The following CHD2 variants were observed in gnomAD, a reference collection of about 807,000 sequenced individuals.
CHD2 encodes ATP-dependent chromatin remodeler CHD2.
CHD2 carries 28 observed loss-of-function variants against 243.9 expected under a neutral mutation model. The observed-to-expected ratio is 0.11, with a 90% confidence interval of 0.09 to 0.16. The LOEUF is 0.16. Among genes scored for constraint, CHD2 ranks in the 10% least tolerant of loss-of-function variants. CHD2 has a pLI of 1.00. For synonymous variants in CHD2, 775 were observed against 779.0 expected (o/e 0.99, Z 0.09); for missense variants, 1,386 against 2,209.8 (o/e 0.63, Z 7.47).
In CHD2 at chr15:92,946,218, TATGGTG is replaced by T; in HGVS notation, c.1377+8_1377+13del. 1 of 1,602,716 alleles carries T rather than the reference TATGGTG, an allele frequency of 6.2e-7. No homozygotes were observed. On this transcript the variant is annotated splice_donor_5th_base_variant and intron_variant, in intron 12 of 38. Coordinates refer to ENST00000394196, the MANE Select transcript of CHD2 (RefSeq NM_001271.4). Reference sequence around the variant, plus strand: ...ACCATCCCAACAAGAGAATGCAAGGTATGGTGATGGTTGGCTTTTGTTTTTTCAGGG... The same window carrying T: ...ACCATCCCAACAAGAGAATGCAAGGTATGGTTGGCTTTTGTTTTTTCAGGG...
intron 16 of CHD2, among the ~76,000 whole-genome samples, chr15:92,966,742 C>G (rs1371128313): frequency 6.6e-6 from 1 of 151,976 alleles, no homozygotes; most frequent in Non-Finnish European, 1.5e-5. Context: ...GAAACCCTGT[C>G]TCTACTAAAA....
intron 10 of CHD2, chr15:92,944,729 A>G (rs1251509670): frequency 1.0e-5 from 3 of 291,334 alleles, no homozygotes; most frequent in African/African-American, 6.4e-5. Context: ...TGTGGCCTAA[A>G]CATGTAGAAG....
At chr15:93,000,148 C>G (rs2054235508) in intron 31 of CHD2, among the ~76,000 whole-genome samples, 2 of 152,104 alleles carry the variant, frequency 1.3e-5, no homozygotes, top group Non-Finnish European at 2.9e-5. Context: ...TGTAGTCCCA[C>G]TTAGCTACTC....
At chr15:92,908,651 CT>C (rs1469243367) in intron 2 of CHD2, among the ~76,000 whole-genome samples, 1 of 152,204 alleles carries the variant, frequency 6.6e-6, no homozygotes, top group Non-Finnish European at 1.5e-5. Context: ...AACCCTTGGT[CT>C]TTCCATTGCC....
chr15:92,998,228 C>T lies in CHD2; in HGVS notation c.3886-271C>T. The T allele has an allele frequency of 9.0e-7, 1 of 1,107,732 alleles. No individual in the cohort carries two copies. The highest frequency in any genetic ancestry group is 1.1e-6 in the Non-Finnish European group (1 of 906,738). The allele number at this position is 1,107,732 out of a possible 1,614,324, so 68.6% of individuals were successfully genotyped here. On this transcript the variant is annotated intron_variant, in intron 30 of 38. Transcript: ENST00000394196. This position sits in a 1 kb window ranked among gnomAD's most constrained non-coding sequence, Gnocchi z 5.1. ...TAGCAGATGAAGCCACAAGCCCCTC[C>T]TACCTGAGTTGTTCTACCCTGTTAA...
chr15:92,967,288 A>T, intron 16 of CHD2, 37 bp from the exon 17 acceptor site: 1 of 1,397,646 alleles, frequency 7.2e-7, no homozygotes, highest in South Asian at 1.5e-5. Context: ...TCTTTTCCTC[A>T]ATGTGGCTAA....
At chr15:92,971,331 G>A (rs892793681) in intron 17 of CHD2, among the ~76,000 whole-genome samples, 4 of 152,184 alleles carry the variant, frequency 2.6e-5, no homozygotes, top group African/African-American at 9.7e-5. Flanking sequence ...AGAAAGTTTT[G>A]AGTGCCATTT....
Position 93,000,607 on chromosome 15 carries a change from T to A in CHD2, c.4104T>A (p.His1368Gln). ...GAATTGAGCTTTCATCTCCTAGGCA[T>A]TCAGATAATCCATCAGAAGAGGGAG... ...EHGIELSSPRHSDNPSEEGEV... is the reference protein window; with the variant it reads ...EHGIELSSPRQSDNPSEEGEV... Residue 1368 changes from histidine (H) to glutamine (Q), a missense_variant, in exon 32 of 39, where the codon CAT (histidine) becomes CAA (glutamine). Around this residue, in one of 19 missense-constraint regions of CHD2, gnomAD observed 125 missense variants for 128.9 expected, o/e 0.97. Transcript: ENST00000394196. 6.2e-7 allele frequency: 1 copy of A among 1,613,462 alleles called. No individual in the cohort carries two copies. The highest frequency in any genetic ancestry group is 8.5e-7 in the Non-Finnish European group (1 of 1,179,604).
intron 2 of CHD2, among the ~76,000 whole-genome samples, chr15:92,911,878 A>G (rs1278210083): frequency 6.6e-6 from 1 of 152,260 alleles, no homozygotes. Flanking sequence ...AAGCAGACTC[A>G]AAATCACAGT....
At chr15:92,939,493 C>A in intron 6 of CHD2, 85 bp from the exon 7 acceptor site, 1 of 1,389,254 alleles carries the variant, frequency 7.2e-7, no homozygotes, top group Non-Finnish European at 9.8e-7. Flanking sequence ...ATGTATGAAC[C>A]ACTGCTCTGG....
chr15:92,925,514 A>G (rs963728504), intron 3 of CHD2, among the ~76,000 whole-genome samples: 8 of 152,244 alleles, frequency 5.3e-5, no homozygotes, highest in Non-Finnish European at 1.2e-4. Flanking sequence ...AAACTAGTTG[A>G]TGTAGTAACA....
chr15:92,903,173 C>T (rs183528503), intron 2 of CHD2, among the ~76,000 whole-genome samples: 2 of 152,202 alleles, frequency 1.3e-5, no homozygotes, highest in African/African-American at 4.8e-5. Flanking sequence ...TATGACATCA[C>T]TTCCTTTTAA....
chr15:92,950,093 C>G (rs2053532328), intron 13 of CHD2, among the ~76,000 whole-genome samples: 2 of 152,124 alleles, frequency 1.3e-5, no homozygotes, highest in African/African-American at 4.8e-5. Flanking sequence ...AGGCTGTAAG[C>G]TGGGAAATGC....
intron 17 of CHD2, among the ~76,000 whole-genome samples, chr15:92,969,764 C>T (rs903877249): frequency 2.6e-5 from 4 of 151,820 alleles, no homozygotes; most frequent in African/African-American, 9.7e-5. Context: ...TACAACAAAG[C>T]TAATACTACC....
intron 26 of CHD2, 76 bp downstream of exon 26, chr15:92,985,749 C>A: frequency 6.8e-7 from 1 of 1,460,186 alleles, no homozygotes; most frequent in Non-Finnish European, 9.2e-7. Flanking sequence ...GGATCCTGGA[C>A]ATCGTGACAG....
At chr15:93,019,958 A>G in intron 37 of CHD2, 54 bp from the exon 38 acceptor site, 4 of 1,556,582 alleles carry the variant, frequency 2.6e-6, no homozygotes, top group Non-Finnish European at 2.6e-6. Context: ...TTGTAGTGAA[A>G]GTGAAATTCA....
chr15:92,941,380 G>A (rs982285283), intron 7 of CHD2, among the ~76,000 whole-genome samples: 1 of 151,978 alleles, frequency 6.6e-6, no homozygotes, highest in Middle Eastern at 3.2e-3. Context: ...TTATTACTGG[G>A]AGACAACATA....
rs1046225687 is a variant in CHD2, at chr15:92,900,543, A to G, written c.-353A>G. 7.5e-6 allele frequency: 3 copies of G among 398,544 alleles called. No homozygotes were observed. Among genetic ancestry groups the G allele is most frequent in the Non-Finnish European group, 1.3e-5 (3 of 226,044 alleles). The allele number at this position is 398,544 out of a possible 1,614,324, so 24.7% of individuals were successfully genotyped here. A position where few individuals can be genotyped will look rare whatever the true frequency, so the allele number is the denominator to read the frequency against. On this transcript the variant is annotated 5_prime_UTR_variant, in exon 1 of 39. Coordinates refer to ENST00000394196, the MANE Select transcript of CHD2 (RefSeq NM_001271.4). ...GCTTTCTTTTCGTGCCTTGTTGGAA[A>G]GAAGCAGCCGTACTGAGAGCCCAGG... is the stretch of plus-strand genomic sequence containing the variant.
At chr15:92,965,565 C>CAAAAAAAAAAAAAAAAA (rs61447848) in intron 16 of CHD2, among the ~76,000 whole-genome samples, 4 of 111,068 alleles carry the variant, frequency 3.6e-5, no homozygotes, top group South Asian at 2.9e-4. Context: ...ACTCTTTCTC[C>CAAAAAAAAAAAAAAAAA]AAAAAAAAAA....
Sources: allele counts gnomAD v4.1 joint callset (sites outside exome capture counted in the v4.1 genomes callset), GRCh38; gene constraint gnomAD v4.1.1; regional missense constraint gnomAD v4.1.1; non-coding constraint Gnocchi (gnomAD v3.1); transcripts MANE v1.5; gene names NCBI Gene and HGNC (gene_info 2026-07-23, HGNC 2026-07-21).